Variants in EFCAB5 observed in about 807,000 individuals in gnomAD.
EFCAB5 encodes the protein EF-hand calcium-binding domain-containing protein 5.
EFCAB5 carries 131 observed loss-of-function variants against 167.9 expected under a neutral mutation model. The ratio of observed to expected loss-of-function variants is 0.78; its 90% CI spans 0.68 to 0.90. The LOEUF (loss-of-function observed/expected upper bound fraction) is 0.90. EFCAB5 is among the 40% of genes least tolerant of loss of function. The pLI, the probability that EFCAB5 is intolerant of heterozygous loss-of-function variation, is 0.00. For synonymous variants in EFCAB5, 574 were observed against 602.8 expected, an observed-to-expected ratio of 0.95 and a Z score of 0.70; for missense variants, 1,663 against 1,745.2, an observed-to-expected ratio of 0.95 and a Z score of 0.84.
chr17:29,989,622 T>A (rs1253863088), intron 4 of EFCAB5, among the ~76,000 whole-genome samples: 8 of 152,232 alleles, frequency 5.3e-5, no homozygotes, highest in Admixed American at 5.2e-4. Flanking sequence ...ATAGGTTGTA[T>A]AACTGAATTA....
chr17:30,044,738 T>C, intron 8 of EFCAB5, among the ~76,000 whole-genome samples: 1 of 152,202 alleles, frequency 6.6e-6, no homozygotes, highest in East Asian at 1.9e-4. Context: ...AAGAGTTAAA[T>C]ATACACTTAC....
Position 30,056,172 on chromosome 17 carries a change from G to T in EFCAB5, c.2365+16G>T. ...AGGTTCACAGGTACATGTTAACAAT[G>T]AAAGTAGGAATAGATGGCAGTCCAA... On this transcript the variant is annotated intron_variant, in intron 12 of 22. Coordinates refer to ENST00000394835, the MANE Select transcript of EFCAB5 (RefSeq NM_198529.4). 1.3e-6 allele frequency: 2 copies of T among 1,593,722 alleles called. No homozygotes were observed. The highest frequency in any genetic ancestry group is 2.3e-5 in the South Asian group (2 of 88,210).
chr17:30,067,302 A>G (rs1376308356), intron 14 of EFCAB5, among the ~76,000 whole-genome samples: 6 of 152,188 alleles, frequency 3.9e-5, no homozygotes, highest in African/African-American at 1.4e-4. Flanking sequence ...CAACACATTA[A>G]AAAGATCATT....
intron 8 of EFCAB5, among the ~76,000 whole-genome samples, chr17:30,046,228 A>G (rs578055452): frequency 6.6e-6 from 1 of 152,344 alleles, no homozygotes; most frequent in Non-Finnish European, 1.5e-5. Context: ...TGCATACCTC[A>G]TTGCATATTT....
intron 7 of EFCAB5, among the ~76,000 whole-genome samples, chr17:30,021,060 G>A (rs1387387361): frequency 1.3e-5 from 2 of 152,014 alleles, no homozygotes; most frequent in Non-Finnish European, 2.9e-5. Context: ...AAGCAGAAAG[G>A]CTTTCCAGGA....
intron 7 of EFCAB5, among the ~76,000 whole-genome samples, chr17:30,029,364 A>G (rs180974658): frequency 3.9e-5 from 6 of 152,202 alleles, no homozygotes; most frequent in African/African-American, 1.4e-4. Flanking sequence ...ATCATCTAAC[A>G]AAAAGCTTAT....
intron 5 of EFCAB5, 82 bp from the exon 6 acceptor site, chr17:29,996,230 G>T: frequency 8.7e-7 from 1 of 1,148,964 alleles, no homozygotes; most frequent in African/African-American, 1.6e-5. Flanking sequence ...ACTATAGATG[G>T]CTTTTAGTCT....
At chr17:29,931,757 T>G (rs1431271637) in intron 1 of EFCAB5, among the ~76,000 whole-genome samples, 1 of 152,182 alleles carries the variant, frequency 6.6e-6, no homozygotes, top group Non-Finnish European at 1.5e-5. Context: ...TGAACTCAAA[T>G]AAATGAAATA....
chr17:29,955,077 T>TGCTATGAGCC (rs1243344629), intron 3 of EFCAB5, among the ~76,000 whole-genome samples: 3 of 152,200 alleles, frequency 2.0e-5, no homozygotes, highest in Non-Finnish European at 4.4e-5. Flanking sequence ...TGCTTTTGAT[T>TGCTATGAGCC]TTACAGGCTC....
intron 7 of EFCAB5, among the ~76,000 whole-genome samples, chr17:30,028,595 C>T (rs1229069651): frequency 3.3e-5 from 5 of 152,186 alleles, no homozygotes; most frequent in Admixed American, 3.3e-4. Context: ...AGGCAGTCTT[C>T]AACTATGGGA....
At chr17:29,988,999 C>T (rs368739200) in intron 4 of EFCAB5, among the ~76,000 whole-genome samples, 7 of 152,070 alleles carry the variant, frequency 4.6e-5, no homozygotes, top group East Asian at 1.9e-4. Context: ...TGTTAATTGC[C>T]GAGGGTTAGT....
At chr17:30,082,853 T>A (rs2071015941) in intron 17 of EFCAB5, 38 bp from the exon 18 acceptor site, 1 of 1,553,372 alleles carries the variant, frequency 6.4e-7, no homozygotes, top group South Asian at 1.2e-5. Flanking sequence ...TTTTCTATTT[T>A]AAAAAGAATA....
In EFCAB5 at chr17:30,023,582, T is replaced by G. The variant is rs139693745; in HGVS notation, c.1045-10648T>G. ...AGAGTCCAGGACCAGATGGATTCGC[T>G]GCCGAATTCTACCAGAGGTACAAGG... is the stretch of plus-strand genomic sequence containing the variant. On this transcript the variant is annotated intron_variant, in intron 7 of 22. Coordinates refer to ENST00000394835, the MANE Select transcript of EFCAB5 (RefSeq NM_198529.4). Among the ~76,000 whole-genome samples, 5 of 151,756 alleles carry G rather than the reference T, an allele frequency of 3.3e-5. 1 individual carries two copies. In the South Asian group the frequency reaches 1.0e-3, roughly 32 times the overall value.
At chr17:29,979,953 G>A (rs1054923032) in intron 4 of EFCAB5, among the ~76,000 whole-genome samples, 1 of 152,166 alleles carries the variant, frequency 6.6e-6, no homozygotes, top group Non-Finnish European at 1.5e-5. Context: ...TGGATCACCC[G>A]AGGTCAGGAG....
At chr17:30,003,641 T>A (rs1461820826) in intron 7 of EFCAB5, among the ~76,000 whole-genome samples, 1 of 152,098 alleles carries the variant, frequency 6.6e-6, no homozygotes, top group South Asian at 2.1e-4. Flanking sequence ...TTTTCAAAAT[T>A]TTCGTTTTTC....
At chr17:30,063,791 A>C (rs1391583027) in intron 14 of EFCAB5, among the ~76,000 whole-genome samples, 1 of 152,168 alleles carries the variant, frequency 6.6e-6, no homozygotes, top group African/African-American at 2.4e-5. Context: ...GGAAAACAAG[A>C]GTAAGAGGAC....
At chr17:30,068,920 C>T (rs1567756241) in intron 14 of EFCAB5, 14 of 1,544,572 alleles carry the variant, frequency 9.1e-6, no homozygotes, top group Non-Finnish European at 1.2e-5. Flanking sequence ...CCAAATAGAC[C>T]AGGATGTCCA....
chr17:30,054,231 G>A (rs1407007289), intron 10 of EFCAB5, 83 bp downstream of exon 10: 2 of 1,448,384 alleles, frequency 1.4e-6, no homozygotes, highest in South Asian at 1.6e-5. Context: ...ACTCATTTAA[G>A]TTAGAATTTT....
At chr17:29,954,022 T>G (rs954593955) in intron 3 of EFCAB5, among the ~76,000 whole-genome samples, 2 of 152,284 alleles carry the variant, frequency 1.3e-5, no homozygotes, top group African/African-American at 4.8e-5. Flanking sequence ...ACTTGAGAGA[T>G]AATTTAGGGT....
Sources: allele counts gnomAD v4.1 joint callset (sites outside exome capture counted in the v4.1 genomes callset), GRCh38; gene constraint gnomAD v4.1.1; transcripts MANE v1.5; gene names NCBI Gene and HGNC (gene_info 2026-07-23, HGNC 2026-07-21).